The following SPMIP2 variants were observed in gnomAD, a reference collection of about 807,000 sequenced individuals.
SPMIP2 encodes sperm microtubule inner protein 2.
the SPMIP2 span, among the ~76,000 whole-genome samples, chr4:159,061,813 T>TA: frequency 3.2e-5 from 2 of 62,184 alleles, no homozygotes; most frequent in Non-Finnish European, 7.1e-5. Context: ...TCAGTCTCAA[T>TA]TAAAAAAAAA....
At chr4:159,038,548 A>C in the SPMIP2 span, 2 of 152,214 alleles carry the variant, frequency 1.3e-5, no homozygotes, top group Non-Finnish European at 2.9e-5. Flanking sequence ...ACAGAGAATG[A>C]AAATACAATG....
chr4:158,975,077 A>T, the SPMIP2 span, among the ~76,000 whole-genome samples: 5 of 152,200 alleles, frequency 3.3e-5, no homozygotes. Context: ...GCTTTTATTC[A>T]TATGTTTGTT....
chr4:159,070,046 CTT>C, the SPMIP2 span, among the ~76,000 whole-genome samples: 7 of 144,842 alleles, frequency 4.8e-5, no homozygotes, highest in Non-Finnish European at 4.6e-5. Context: ...AGGTGGTACA[CTT>C]TTTTTTTTTT....
At chr4:159,037,421 T>A in the SPMIP2 span, among the ~76,000 whole-genome samples, 1 of 151,986 alleles carries the variant, frequency 6.6e-6, no homozygotes, top group Non-Finnish European at 1.5e-5. Flanking sequence ...GCTTTTATCC[T>A]TGTTACCTCC....
At chr4:158,926,277 G>C in the SPMIP2 span, among the ~76,000 whole-genome samples, 5 of 151,414 alleles carry the variant, frequency 3.3e-5, no homozygotes, top group Middle Eastern at 3.4e-3. Context: ...AAGGTGTAAG[G>C]TTAGGTTCTT....
chr4:158,998,477 A>G, the SPMIP2 span, among the ~76,000 whole-genome samples: 1 of 152,244 alleles, frequency 6.6e-6, no homozygotes, highest in East Asian at 1.9e-4. Flanking sequence ...TTTTATTTGT[A>G]CAATAACAGG....
chr4:158,982,340 T>G, the SPMIP2 span, among the ~76,000 whole-genome samples: 2 of 152,044 alleles, frequency 1.3e-5, no homozygotes, highest in East Asian at 1.9e-4. Context: ...ACAAGGATAT[T>G]CAGGACTTGA....
the SPMIP2 span, among the ~76,000 whole-genome samples, chr4:158,970,368 C>A: frequency 6.6e-6 from 1 of 152,038 alleles, no homozygotes; most frequent in Admixed American, 6.6e-5. Flanking sequence ...TAGACCTTGT[C>A]TCTACTAAAA....
At chr4:159,082,821 G>A in the SPMIP2 span, among the ~76,000 whole-genome samples, 1 of 152,122 alleles carries the variant, frequency 6.6e-6, no homozygotes, top group Non-Finnish European at 1.5e-5. Flanking sequence ...ATTGGCTCAT[G>A]TCTATAATCC....
chr4:159,044,105 T>C, the SPMIP2 span, among the ~76,000 whole-genome samples: 1 of 152,160 alleles, frequency 6.6e-6, no homozygotes, highest in Non-Finnish European at 1.5e-5. Flanking sequence ...TTGTTGTATA[T>C]TTTATCAAGA....
At chr4:159,012,799 C>T in the SPMIP2 span, among the ~76,000 whole-genome samples, 1 of 151,940 alleles carries the variant, frequency 6.6e-6, no homozygotes, top group Non-Finnish European at 1.5e-5. Flanking sequence ...TCTCGAACTC[C>T]TGGGCTCAAG....
At chr4:158,973,353 T>C in the SPMIP2 span, 11,935 of 1,258,278 alleles carry the variant, frequency 9.5e-3, 719 homozygotes, top group African/African-American at 0.14. Flanking sequence ...CCACACTTTA[T>C]TCTAAGATAC....
chr4:158,961,262 C>T, the SPMIP2 span, among the ~76,000 whole-genome samples: 1 of 152,054 alleles, frequency 6.6e-6, no homozygotes, highest in Non-Finnish European at 1.5e-5. Context: ...CTCTTCTCTC[C>T]TCTTCCTTTT....
At chr4:159,026,134 T>A in the SPMIP2 span, 1 of 332,368 alleles carries the variant, frequency 3.0e-6, no homozygotes, top group South Asian at 3.2e-5. Flanking sequence ...TGACCACTGT[T>A]CAGCAGATGG....
chr4:158,977,954 T>TCTGC, the SPMIP2 span, among the ~76,000 whole-genome samples: 1 of 152,172 alleles, frequency 6.6e-6, no homozygotes, highest in African/African-American at 2.4e-5. Context: ...TTTCTTGTCT[T>TCTGC]CTGCTAGCTT....
chr4:159,036,959 C>G, the SPMIP2 span, among the ~76,000 whole-genome samples: 1 of 152,178 alleles, frequency 6.6e-6, no homozygotes, highest in Admixed American at 6.5e-5. Flanking sequence ...AGGCGCCCAA[C>G]TTTGAACATT....
At chr4:159,048,264 C>CT in the SPMIP2 span, among the ~76,000 whole-genome samples, 5 of 152,298 alleles carry the variant, frequency 3.3e-5, no homozygotes, top group South Asian at 1.0e-3. Flanking sequence ...CGAGCCTGTG[C>CT]TATCTCCTGT....
chr4:159,019,112 G>A, the SPMIP2 span, among the ~76,000 whole-genome samples: 1 of 151,974 alleles, frequency 6.6e-6, no homozygotes, highest in African/African-American at 2.4e-5. Flanking sequence ...CTTTAAAGCT[G>A]GAGCCAAAAA....
chr4:158,906,054 T>C, the SPMIP2 span: 1 of 152,266 alleles, frequency 6.6e-6, no homozygotes, highest in South Asian at 2.1e-4. Context: ...ATGCAAAATG[T>C]AGATGAGTGC....
Sources: allele counts gnomAD v4.1 joint callset (sites outside exome capture counted in the v4.1 genomes callset), GRCh38; gene constraint gnomAD v4.1.1; transcripts MANE v1.5; gene names NCBI Gene and HGNC (gene_info 2026-07-23, HGNC 2026-07-21).